The following TBC1D15 variants were observed in gnomAD, a reference collection of about 807,000 sequenced individuals.
TBC1D15 encodes TBC1 domain family member 15, also known as GAP for RAB7.
Under a neutral mutation model 95.4 loss-of-function variants are expected in TBC1D15, and 39 were observed. The observed-to-expected ratio is 0.41, with a 90% CI of 0.32 to 0.53. The LOEUF is 0.53. Among genes scored for constraint, TBC1D15 ranks in the 20% least tolerant of loss-of-function variants. TBC1D15 has a pLI of 0.29. For missense variants in TBC1D15, 733 were observed against 794.3 expected (o/e 0.92, Z 0.93); for synonymous variants, 258 against 261.3 (o/e 0.99, Z 0.12).
At chr12:71,919,170 C>G (rs1471363665) in intron 14 of TBC1D15, among the ~76,000 whole-genome samples, 2 of 145,366 alleles carry the variant, frequency 1.4e-5, no homozygotes, top group Non-Finnish European at 3.0e-5. Flanking sequence ...TTCACATTTT[C>G]TAAAGTATTT....
At chr12:71,920,898 G>A (rs1434152500) in intron 15 of TBC1D15, 51 bp downstream of exon 15, 4 of 1,314,680 alleles carry the variant, frequency 3.0e-6, no homozygotes, top group Non-Finnish European at 4.3e-6. Context: ...TCTATTTGGT[G>A]GTCCTGATAT....
intron 4 of TBC1D15, among the ~76,000 whole-genome samples, chr12:71,882,981 T>C (rs61281344): frequency 0.028 from 4,188 of 152,276 alleles, 195 homozygotes; most frequent in African/African-American, 0.094. Flanking sequence ...TGAATATGCA[T>C]AAACTCCTGA....
At chr12:71,921,090 A>G (rs1869120578) in intron 15 of TBC1D15, among the ~76,000 whole-genome samples, 1 of 152,212 alleles carries the variant, frequency 6.6e-6, no homozygotes, top group Non-Finnish European at 1.5e-5. Flanking sequence ...TTAGTTTTTC[A>G]AAAATTAATT....
chr12:71,911,409 G>A (rs1170996095), intron 11 of TBC1D15, among the ~76,000 whole-genome samples: 1 of 151,848 alleles, frequency 6.6e-6, no homozygotes, highest in East Asian at 1.9e-4. Flanking sequence ...TTAAGAAAAT[G>A]TGGCACATAT....
rs767072175 is a variant in TBC1D15 at position 71,839,830 on chromosome 12, G to A, written c.30+19G>A. The A allele has an allele frequency of 1.2e-6, 2 of 1,614,160 alleles. No homozygotes were observed. Among genetic ancestry groups the A allele is most frequent in the Admixed American group, 3.3e-5 (2 of 60,028 alleles). On this transcript the variant is annotated intron_variant, in intron 1 of 16. Transcript: ENST00000485960. Reference sequence around the variant, plus strand: ...CGGGAAGGTAGGTAACGGCCTCCAGGAAGACCTCGGCTTTTCTCTGGGACG... The same window carrying A: ...CGGGAAGGTAGGTAACGGCCTCCAGAAAGACCTCGGCTTTTCTCTGGGACG...
chr12:71,895,316 C>G (rs1439302397), intron 7 of TBC1D15, among the ~76,000 whole-genome samples: 1 of 151,960 alleles, frequency 6.6e-6, no homozygotes, highest in African/African-American at 2.4e-5. Context: ...TATGGCAGAT[C>G]TTTATATGTG....
At chr12:71,921,961 A>G (rs1869532297) in intron 16 of TBC1D15, among the ~76,000 whole-genome samples, 1 of 152,194 alleles carries the variant, frequency 6.6e-6, no homozygotes, top group Non-Finnish European at 1.5e-5. Flanking sequence ...TCTTTCTATT[A>G]AGAGAAAGGG....
At chr12:71,882,524 A>T (rs1187922483) in intron 4 of TBC1D15, among the ~76,000 whole-genome samples, 1 of 152,214 alleles carries the variant, frequency 6.6e-6, no homozygotes, top group Admixed American at 6.5e-5. Context: ...GTATTTGGTA[A>T]CATAGTAAAT....
chr12:71,851,650 G>T (rs1411038037), intron 1 of TBC1D15, among the ~76,000 whole-genome samples: 1 of 152,198 alleles, frequency 6.6e-6, no homozygotes, highest in Admixed American at 6.5e-5. Context: ...AAAAGAAAGG[G>T]GCTGTAGGCA....
intron 1 of TBC1D15, among the ~76,000 whole-genome samples, chr12:71,865,228 A>G (rs946183923): frequency 6.6e-6 from 1 of 152,152 alleles, no homozygotes; most frequent in Non-Finnish European, 1.5e-5. Context: ...TGTTGGATGT[A>G]GGTTGCCCAC....
At chr12:71,909,140 T>C (rs998538068) in intron 11 of TBC1D15, among the ~76,000 whole-genome samples, 4 of 152,244 alleles carry the variant, frequency 2.6e-5, no homozygotes, top group African/African-American at 9.7e-5. Flanking sequence ...TCCATTTGTT[T>C]ATACTAATGT....
intron 1 of TBC1D15, among the ~76,000 whole-genome samples, chr12:71,843,503 TG>T (rs1468505962): frequency 1.3e-5 from 2 of 152,166 alleles, no homozygotes; most frequent in African/African-American, 4.8e-5. Context: ...TCTTTTAACA[TG>T]GTAGTTAACT....
chr12:71,884,308 G>A (rs542981662), intron 4 of TBC1D15, among the ~76,000 whole-genome samples: 1 of 152,246 alleles, frequency 6.6e-6, no homozygotes, highest in South Asian at 2.1e-4. Flanking sequence ...TTTGGGGGGA[G>A]TGGGACAGAT....
chr12:71,885,273 A>G (rs1896009992), intron 5 of TBC1D15, among the ~76,000 whole-genome samples: 1 of 152,228 alleles, frequency 6.6e-6, no homozygotes, highest in Non-Finnish European at 1.5e-5. Context: ...TTTTTTATAC[A>G]TTTAAATGAA....
At chr12:71,915,093 T>C (rs1397063105) in intron 12 of TBC1D15, among the ~76,000 whole-genome samples, 1 of 152,076 alleles carries the variant, frequency 6.6e-6, no homozygotes, top group Non-Finnish European at 1.5e-5. Context: ...GGATTATCAA[T>C]GCAGTAATTT....
At chr12:71,847,708 C>A (rs1886685571) in intron 1 of TBC1D15, among the ~76,000 whole-genome samples, 1 of 151,372 alleles carries the variant, frequency 6.6e-6, no homozygotes, top group African/African-American at 2.4e-5. Flanking sequence ...AAAAACCCCA[C>A]AAATAATATT....
intron 10 of TBC1D15, among the ~76,000 whole-genome samples, chr12:71,902,028 A>T (rs1899505498): frequency 1.3e-5 from 2 of 152,198 alleles, no homozygotes; most frequent in South Asian, 4.1e-4. Context: ...AAATACAGCT[A>T]ACCAGGGAGG....
intron 14 of TBC1D15, among the ~76,000 whole-genome samples, chr12:71,919,138 C>CT (rs1407964468): frequency 6.6e-6 from 1 of 151,630 alleles, no homozygotes; most frequent in African/African-American, 2.4e-5. Flanking sequence ...CCATGGCAAC[C>CT]TTTAATGAAA....
At chr12:71,863,367 G>GA (rs950076802) in intron 1 of TBC1D15, among the ~76,000 whole-genome samples, 1 of 151,880 alleles carries the variant, frequency 6.6e-6, no homozygotes, top group Admixed American at 6.6e-5. Flanking sequence ...GACAGAGTGA[G>GA]ACTCTGTCTC....
Sources: allele counts gnomAD v4.1 joint callset (sites outside exome capture counted in the v4.1 genomes callset), GRCh38; gene constraint gnomAD v4.1.1; transcripts MANE v1.5; gene names NCBI Gene and HGNC (gene_info 2026-07-23, HGNC 2026-07-21).